Variants in BRINP3 observed in about 807,000 individuals in gnomAD.
The protein encoded by BRINP3 is BMP/retinoic acid-inducible neural-specific protein 3.
Under a neutral mutation model 71.0 loss-of-function variants are expected in BRINP3, and 19 were observed. That is an observed-to-expected ratio of 0.27 (90% confidence interval 0.19 to 0.39). The LOEUF is 0.39. Ranked by LOEUF, BRINP3 falls within the 10% of genes least tolerant of loss-of-function variation. The pLI, the probability that BRINP3 is intolerant of heterozygous loss-of-function variation, is 1.00. For synonymous variants in BRINP3, 380 were observed against 337.7 expected, an observed-to-expected ratio of 1.13 and a Z score of -1.37; for missense variants, 959 against 940.8, an observed-to-expected ratio of 1.02 and a Z score of -0.25.
At chr1:190,236,602 CT>C (rs539242071) in intron 4 of BRINP3, among the ~76,000 whole-genome samples, 2 of 152,022 alleles carry the variant, frequency 1.3e-5, no homozygotes, top group African/African-American at 4.8e-5. Context: ...CAAAGAATTA[CT>C]TTTTCCTTAA....
intron 4 of BRINP3, among the ~76,000 whole-genome samples, chr1:190,236,279 C>T (rs1658509993): frequency 6.6e-6 from 1 of 151,912 alleles, no homozygotes; most frequent in Non-Finnish European, 1.5e-5. Context: ...AGTTAAGAAG[C>T]TCACTGTGGA....
chr1:190,347,029 C>T (rs1478581610), intron 2 of BRINP3, among the ~76,000 whole-genome samples: 1 of 152,068 alleles, frequency 6.6e-6, no homozygotes, highest in Non-Finnish European at 1.5e-5. Flanking sequence ...GGCAGGAAAA[C>T]ACAGTAACAC....
At chr1:190,220,907 A>T (rs77602777) in intron 6 of BRINP3, among the ~76,000 whole-genome samples, 1 of 152,206 alleles carries the variant, frequency 6.6e-6, no homozygotes, top group Non-Finnish European at 1.5e-5. Context: ...TTTGGTGTGC[A>T]ATTCTCTTGT....
At chr1:190,158,852 C>T (rs1298792833) in intron 7 of BRINP3, among the ~76,000 whole-genome samples, 1 of 150,544 alleles carries the variant, frequency 6.6e-6, no homozygotes, top group African/African-American at 2.4e-5. Flanking sequence ...TTTAGCTAAA[C>T]TGACCACAGG....
chr1:190,119,164 C>T (rs1184494262), intron 7 of BRINP3, among the ~76,000 whole-genome samples: 1 of 151,988 alleles, frequency 6.6e-6, no homozygotes, highest in African/African-American at 2.4e-5. Flanking sequence ...AATATAAAAA[C>T]ATCCATTTCT....
chr1:190,364,457 A>C (rs937015259), intron 2 of BRINP3, among the ~76,000 whole-genome samples: 2 of 152,108 alleles, frequency 1.3e-5, no homozygotes, highest in African/African-American at 2.4e-5. Flanking sequence ...TATGCAATAA[A>C]CAACGTGGAG....
At chr1:190,383,648 T>A (rs1372392667) in intron 2 of BRINP3, among the ~76,000 whole-genome samples, 1 of 152,032 alleles carries the variant, frequency 6.6e-6, no homozygotes, top group Non-Finnish European at 1.5e-5. Flanking sequence ...TTTGCCACTT[T>A]GCAATCCATT....
chr1:190,254,916 A>G (rs1319630348), intron 4 of BRINP3, among the ~76,000 whole-genome samples: 1 of 152,172 alleles, frequency 6.6e-6, no homozygotes, highest in African/African-American at 2.4e-5. Flanking sequence ...TTTGCCATAA[A>G]TAACTCTTAT....
chr1:190,315,620 T>G (rs1665828398), intron 2 of BRINP3, among the ~76,000 whole-genome samples: 1 of 152,138 alleles, frequency 6.6e-6, no homozygotes, highest in South Asian at 2.1e-4. Flanking sequence ...ATCATCTGTC[T>G]GGGCTGGAAA....
chr1:190,338,657 T>C (rs1667448011), intron 2 of BRINP3, among the ~76,000 whole-genome samples: 4 of 152,014 alleles, frequency 2.6e-5, no homozygotes, highest in Admixed American at 2.0e-4. Context: ...TATCAATTTA[T>C]AATAAAATTG....
At chr1:190,417,812 G>C (rs1673107720) in intron 2 of BRINP3, among the ~76,000 whole-genome samples, 1 of 152,102 alleles carries the variant, frequency 6.6e-6, no homozygotes, top group South Asian at 2.1e-4. Context: ...AAGATGATGA[G>C]AGGGAAGAAA....
At chr1:190,205,543 A>G (rs1655422225) in intron 6 of BRINP3, among the ~76,000 whole-genome samples, 1 of 152,096 alleles carries the variant, frequency 6.6e-6, no homozygotes, top group South Asian at 2.1e-4. Flanking sequence ...AATTCTGTCC[A>G]TTAAGCAGGT....
intron 3 of BRINP3, among the ~76,000 whole-genome samples, chr1:190,274,042 A>G (rs1662342449): frequency 6.6e-6 from 1 of 151,586 alleles, no homozygotes; most frequent in Admixed American, 6.6e-5. Flanking sequence ...AGTGAGCCAG[A>G]TGTTGATATA....
intron 2 of BRINP3, among the ~76,000 whole-genome samples, chr1:190,433,764 T>C (rs1364782465): frequency 6.6e-6 from 1 of 152,214 alleles, no homozygotes; most frequent in Non-Finnish European, 1.5e-5. Context: ...TGCTCCTTCA[T>C]ATACTTTTTA....
At chr1:190,196,320 C>T (rs1040303011) in intron 6 of BRINP3, among the ~76,000 whole-genome samples, 2 of 152,080 alleles carry the variant, frequency 1.3e-5, no homozygotes, top group Non-Finnish European at 2.9e-5. Context: ...TTCTTGGGTG[C>T]TATAAATCAA....
chr1:190,290,397 C>A (rs1226106769), intron 2 of BRINP3, among the ~76,000 whole-genome samples: 1 of 152,102 alleles, frequency 6.6e-6, no homozygotes, highest in East Asian at 1.9e-4. Context: ...TTTTTAATTT[C>A]TCTAATCTAT....
intron 2 of BRINP3, among the ~76,000 whole-genome samples, chr1:190,400,928 T>C (rs1196724024): frequency 6.6e-6 from 1 of 152,206 alleles, no homozygotes; most frequent in Non-Finnish European, 1.5e-5. Context: ...TAATCAGACC[T>C]AAGAAAACAC....
intron 7 of BRINP3, among the ~76,000 whole-genome samples, chr1:190,152,470 G>T (rs541731078): frequency 6.7e-6 from 1 of 149,588 alleles, no homozygotes; most frequent in Non-Finnish European, 1.5e-5. Context: ...TGATCATTTT[G>T]AACTATTACA....
At chr1:190,470,586 A>G (rs1374542987) in intron 1 of BRINP3, among the ~76,000 whole-genome samples, 1 of 151,092 alleles carries the variant, frequency 6.6e-6, no homozygotes, top group African/African-American at 2.4e-5. Flanking sequence ...GTACTTTTTA[A>G]CTCTAAACTT....
Sources: allele counts gnomAD v4.1 joint callset (sites outside exome capture counted in the v4.1 genomes callset), GRCh38; gene constraint gnomAD v4.1.1; transcripts MANE v1.5; gene names NCBI Gene and HGNC (gene_info 2026-07-23, HGNC 2026-07-21).